The following CBL variants were observed in gnomAD, a reference collection of about 807,000 sequenced individuals.
The protein encoded by CBL is Cbl proto-oncogene.
A neutral mutation model predicts 96.9 loss-of-function variants in CBL; 45 were observed. The observed-to-expected ratio is 0.46, with a 90% confidence interval of 0.37 to 0.60. The LOEUF is 0.60. Among genes scored for constraint, CBL ranks in the 20% least tolerant of loss-of-function variants. CBL has a pLI of 0.00. For synonymous variants in CBL, 420 were observed against 426.8 expected (o/e 0.98, Z 0.20); for missense variants, 1,024 against 1,143.5 (o/e 0.90, Z 1.51).
At chr11:119,206,645 G>GGTGGGC (rs746951096) in intron 1 of CBL, 33 bp downstream of exon 1, 1 of 1,540,000 alleles carries the variant, frequency 6.5e-7, no homozygotes, top group South Asian at 1.2e-5. Context: ...GCTGTTGCAG[G>GGTGGGC]GTGGGCGTGG....
chr11:119,263,091 A>C (rs77483174), intron 2 of CBL, among the ~76,000 whole-genome samples: 1 of 152,210 alleles, frequency 6.6e-6, no homozygotes, highest in East Asian at 1.9e-4. Flanking sequence ...TAAAGCATCT[A>C]ATCCCTAGTA....
chr11:119,285,608 T>C (rs756310129), intron 11 of CBL, 42 bp downstream of exon 11: 4 of 1,603,738 alleles, frequency 2.5e-6, no homozygotes, highest in Non-Finnish European at 2.5e-6. Context: ...TTAAGAAATA[T>C]GTGTGGGCCA....
chr11:119,270,436 A>AT lies in CBL; in HGVS notation c.444-1271dup, dbSNP rs869150071. The stretch of plus-strand genomic sequence containing the variant: ...AATTTTTATATATATATATATATAT[A>AT]TTTTTTTTTTTTTTTTTTTTTTTTT... On this transcript the variant is annotated intron_variant, in intron 2 of 15. Coordinates refer to ENST00000264033, the MANE Select transcript of CBL (RefSeq NM_005188.4). Among the ~76,000 whole-genome samples the AT allele has an allele frequency of 4.5e-3, 175 of 38,658 alleles. 27 individuals are homozygous for AT. The highest frequency in any genetic ancestry group is 5.9e-3 in the Non-Finnish European group (136 of 23,030). The allele number at this position is 38,658 out of a possible 152,430, so 25.4% of individuals were successfully genotyped here.
chr11:119,278,957 A>C (rs1949911500), intron 9 of CBL, among the ~76,000 whole-genome samples: 1 of 152,228 alleles, frequency 6.6e-6, no homozygotes, highest in Non-Finnish European at 1.5e-5. Context: ...TGAGGCACAA[A>C]GAGGTTAAGG....
intron 2 of CBL, among the ~76,000 whole-genome samples, chr11:119,242,364 C>A (rs1043727988): frequency 7.2e-5 from 11 of 151,802 alleles, no homozygotes; most frequent in Admixed American, 1.3e-4. Context: ...CATGGTGAAA[C>A]CCCCTCCCTT....
At chr11:119,222,833 A>G (rs1170846139) in intron 1 of CBL, among the ~76,000 whole-genome samples, 1 of 152,154 alleles carries the variant, frequency 6.6e-6, no homozygotes, top group Non-Finnish European at 1.5e-5. Flanking sequence ...GAGGTTATAC[A>G]TAATAAGGAC....
chr11:119,271,994 T>C (rs962801970), intron 3 of CBL, 113 bp downstream of exon 3: 3 of 905,618 alleles, frequency 3.3e-6, no homozygotes, highest in East Asian at 2.6e-5. Flanking sequence ...AAAAGTAATA[T>C]ATGTGTATGT....
At chr11:119,263,532 A>G (rs1234901607) in intron 2 of CBL, among the ~76,000 whole-genome samples, 1 of 152,228 alleles carries the variant, frequency 6.6e-6, no homozygotes, top group East Asian at 1.9e-4. Context: ...GGGAATTTCA[A>G]AAGCAGGACC....
chr11:119,235,115 T>A (rs963612762), intron 2 of CBL, among the ~76,000 whole-genome samples: 1 of 151,906 alleles, frequency 6.6e-6, no homozygotes. Flanking sequence ...CTTTTTTCTA[T>A]TTTTTTTCTT....
intron 3 of CBL, among the ~76,000 whole-genome samples, chr11:119,272,888 T>A (rs1409495561): frequency 6.6e-6 from 1 of 152,218 alleles, no homozygotes; most frequent in Non-Finnish European, 1.5e-5. Context: ...TCCGTTTTGC[T>A]GTATTGTCTC....
rs1198015687 is a variant in CBL, at chr11:119,300,723, C to T, written c.*942C>T. On this transcript the variant is annotated 3_prime_UTR_variant, in exon 16 of 16. Transcript: ENST00000264033. Reference sequence around the variant, plus strand: ...TTCCATGCCCTCCCCAGAAAATAGTCTGTGGGAGTCAGTTGCCTTGGTGCC... The same window carrying T: ...TTCCATGCCCTCCCCAGAAAATAGTTTGTGGGAGTCAGTTGCCTTGGTGCC... 1.3e-5 allele frequency: 5 copies of T among 396,510 alleles called. No homozygotes were observed. The highest frequency in any genetic ancestry group is 2.2e-5 in the Non-Finnish European group (5 of 225,124). 24.6% of individuals were successfully genotyped at this position (396,510 alleles called of 1,614,324 possible).
intron 4 of CBL, 88 bp from the exon 5 acceptor site, chr11:119,274,744 G>A (rs2135300079): frequency 8.2e-7 from 1 of 1,216,460 alleles, no homozygotes; most frequent in East Asian, 2.3e-5. Flanking sequence ...TGAACTGAGA[G>A]TTGGTGTTGT....
At chr11:119,219,900 A>G (rs1949394559) in intron 1 of CBL, among the ~76,000 whole-genome samples, 1 of 139,108 alleles carries the variant, frequency 7.2e-6, no homozygotes, top group Non-Finnish European at 1.5e-5. Context: ...CCCAGGCTGT[A>G]GTGCAGTGGC....
Position 119,304,492 on chromosome 11 carries a change from T to C in CBL, c.*4711T>C, listed in dbSNP as rs540799677. On this transcript the variant is annotated 3_prime_UTR_variant, in exon 16 of 16. Transcript: ENST00000264033. ...TGGGTGGAGCTGGAACTGCAGAGCT[T>C]TGCACCTAGTCCTTTCTCCCGCTTC... 4.3e-6 allele frequency: 1 copy of C among 233,054 alleles called. No homozygotes were observed. Among genetic ancestry groups the C allele is most frequent in the South Asian group, 1.8e-4 (1 of 5,528 alleles). 14.4% of individuals were successfully genotyped at this position (233,054 alleles called of 1,614,324 possible). A position where few individuals can be genotyped will look rare whatever the true frequency, so the allele number is the denominator to read the frequency against.
At chr11:119,270,436 A>ATATATATTTT (rs1565870008) in intron 2 of CBL, among the ~76,000 whole-genome samples, 1 of 38,656 alleles carries the variant, frequency 2.6e-5, no homozygotes, top group Non-Finnish European at 4.3e-5. Context: ...ATATATATAT[A>ATATATATTTT]TTTTTTTTTT....
At chr11:119,291,132 C>T (rs1950023699) in intron 12 of CBL, among the ~76,000 whole-genome samples, 2 of 152,186 alleles carry the variant, frequency 1.3e-5, no homozygotes, top group African/African-American at 4.8e-5. Context: ...AGTGGTGGCT[C>T]ACGCCTGTAA....
intron 5 of CBL, 21 bp downstream of exon 5, chr11:119,274,974 AG>A (rs763112996): frequency 6.2e-7 from 1 of 1,607,670 alleles, no homozygotes; most frequent in African/African-American, 1.4e-5. Flanking sequence ...TGACGCAAAG[AG>A]ATTTATTCTT....
chr11:119,296,608 A>G (rs1950063660), intron 12 of CBL, among the ~76,000 whole-genome samples: 1 of 152,162 alleles, frequency 6.6e-6, no homozygotes, highest in African/African-American at 2.4e-5. Flanking sequence ...CGTTTCTCTA[A>G]CTCTAGGGCC....
Position 119,298,375 on chromosome 11 carries a change from G to T in CBL, c.2269G>T (p.Ala757Ser), listed in dbSNP as rs146517083. The T allele has an allele frequency of 2.5e-6, 4 of 1,614,096 alleles. No individual in the cohort carries two copies. Among genetic ancestry groups the T allele is most frequent in the Admixed American group, 1.7e-5 (1 of 60,028 alleles). Residue 757 changes from alanine to serine, a missense_variant, in exon 15 of 16, where the codon GCA becomes TCA. Transcript: ENST00000264033. ...SSTFGEGNLA[A>S]AHANTGPEES... ...TTCTCCAGGTGAAGGGAATTTGGCC[G>T]CAGCCCATGCCAACACTGGTCCCGA...
Sources: allele counts gnomAD v4.1 joint callset (sites outside exome capture counted in the v4.1 genomes callset), GRCh38; gene constraint gnomAD v4.1.1; transcripts MANE v1.5; gene names NCBI Gene and HGNC (gene_info 2026-07-23, HGNC 2026-07-21).